The following IL33 variants were observed in gnomAD, a reference collection of about 807,000 sequenced individuals.
IL33 encodes interleukin 33.
Under a neutral mutation model 27.3 loss-of-function variants are expected in IL33, and 37 were observed. That is an observed-to-expected ratio of 1.36 (90% CI 1.04 to 1.78). The LOEUF is 1.78. Ranked by LOEUF, IL33 falls within the 40% of genes most tolerant of loss-of-function variation. The pLI is 0.00. For synonymous variants in IL33, 132 were observed against 102.9 expected, an observed-to-expected ratio of 1.28 and a Z score of -1.71; for missense variants, 406 against 311.4, an observed-to-expected ratio of 1.30 and a Z score of -2.29.
intron 6 of IL33, among the ~76,000 whole-genome samples, chr9:6,253,909 CCTT>C (rs1220712345): frequency 6.6e-6 from 1 of 152,178 alleles, no homozygotes; most frequent in Non-Finnish European, 1.5e-5. Flanking sequence ...GAACCCATCT[CCTT>C]CTATCTTGTG....
chr9:6,217,020 T>C (rs1818176867), intron 1 of IL33, among the ~76,000 whole-genome samples: 1 of 152,132 alleles, frequency 6.6e-6, no homozygotes, highest in Admixed American at 6.5e-5. Flanking sequence ...GGCTAGGGTT[T>C]TTCAAGGTTA....
chr9:6,247,967 C>A (rs187363817), intron 2 of IL33, among the ~76,000 whole-genome samples: 3 of 152,100 alleles, frequency 2.0e-5, no homozygotes, highest in Admixed American at 1.3e-4. Context: ...AGTATTGTGA[C>A]CCTCACTTTT....
intron 1 of IL33, among the ~76,000 whole-genome samples, chr9:6,219,301 G>A (rs1818312176): frequency 6.6e-6 from 1 of 151,862 alleles, no homozygotes; most frequent in Non-Finnish European, 1.5e-5. Flanking sequence ...GCAAGCAAAA[G>A]TAACTTTTAA....
In IL33 at chr9:6,254,505, T is replaced by C; in HGVS notation, c.564T>C (p.Pro188=). 1 of 1,598,056 alleles carries C rather than the reference T, an allele frequency of 6.3e-7. No homozygotes were observed. The highest frequency in any genetic ancestry group is 8.5e-7 in the Non-Finnish European group (1 of 1,170,330). The change falls in exon 7 of 8, where the codon CCT becomes CCC. Residue 188 remains proline (P), a synonymous_variant. Transcript: ENST00000682010. ...AGATGTTAATGGTAACCCTGAGTCC[T>C]ACAAAAGACTTCTGGTTGCATGCCA... ...DGKMLMVTLS[P]TKDFWLHANN...
chr9:6,235,354 C>A (rs373918528), intron 1 of IL33, among the ~76,000 whole-genome samples: 2 of 152,232 alleles, frequency 1.3e-5, no homozygotes, highest in East Asian at 3.9e-4. Context: ...CTGACTTATT[C>A]TTTATACCAA....
intron 1 of IL33, among the ~76,000 whole-genome samples, chr9:6,224,979 T>G (rs967860638): frequency 6.6e-6 from 1 of 152,176 alleles, no homozygotes; most frequent in African/African-American, 2.4e-5. Flanking sequence ...TTCCCCTGTG[T>G]ATTTCTCAGC....
intron 1 of IL33, among the ~76,000 whole-genome samples, chr9:6,231,052 A>G (rs951559779): frequency 6.6e-6 from 1 of 152,170 alleles, no homozygotes; most frequent in Non-Finnish European, 1.5e-5. Context: ...AGCTACTACT[A>G]TCATCATTAT....
chr9:6,218,378 G>A (rs892465399), intron 1 of IL33, among the ~76,000 whole-genome samples: 10 of 152,036 alleles, frequency 6.6e-5, no homozygotes, highest in African/African-American at 1.9e-4. Context: ...TTCACTTAGG[G>A]ATTGAAATAG....
intron 1 of IL33, among the ~76,000 whole-genome samples, chr9:6,236,751 G>T: frequency 6.6e-6 from 1 of 152,104 alleles, no homozygotes; most frequent in East Asian, 1.9e-4. Flanking sequence ...ACACCTTGTA[G>T]TCCCAGCTAC....
rs1434458609 is a variant in IL33, at chr9:6,257,531, A to G, written c.*1363A>G. 2 of 152,622 alleles carry G rather than the reference A, an allele frequency of 1.3e-5. No individual in the cohort carries two copies. Among genetic ancestry groups the G allele is most frequent in the African/African-American group, 4.8e-5 (2 of 41,448 alleles). The allele number at this position is 152,622 out of a possible 1,614,324, so 9.5% of individuals were successfully genotyped here. ...CAATAAAATTTATACTCAACCATATAATAACATTTTTTAACTACTAAAGGA... is the reference window on the plus strand; with the variant it reads ...CAATAAAATTTATACTCAACCATATGATAACATTTTTTAACTACTAAAGGA... On this transcript the variant is annotated 3_prime_UTR_variant, in exon 8 of 8. Coordinates refer to ENST00000682010, the MANE Select transcript of IL33 (RefSeq NM_033439.4).
intron 1 of IL33, among the ~76,000 whole-genome samples, chr9:6,227,794 C>T (rs1818711202): frequency 1.3e-5 from 2 of 152,122 alleles, no homozygotes; most frequent in Non-Finnish European, 2.9e-5. Context: ...GACATATTTT[C>T]AAACTTTTAA....
intron 1 of IL33, among the ~76,000 whole-genome samples, chr9:6,220,728 TTCA>T: frequency 6.6e-6 from 1 of 152,162 alleles, no homozygotes; most frequent in Non-Finnish European, 1.5e-5. Flanking sequence ...GCATAACTGC[TTCA>T]TATTTGTAAA....
At chr9:6,217,971 T>C (rs956871354) in intron 1 of IL33, among the ~76,000 whole-genome samples, 14 of 152,180 alleles carry the variant, frequency 9.2e-5, no homozygotes, top group Admixed American at 8.5e-4. Flanking sequence ...GTCTTACTTA[T>C]TGCTTCTCAA....
chr9:6,216,360 C>A lies in IL33; in HGVS notation c.-12+508C>A, dbSNP rs181993620. ...TTGCCAGGCTGGAAACTTTATAAAG[C>A]AAGTTGATAATTCTACTTCTAACTC... On this transcript the variant is annotated intron_variant, in intron 1 of 7. Coordinates refer to ENST00000682010, the MANE Select transcript of IL33 (RefSeq NM_033439.4). 4.8e-4 allele frequency among the ~76,000 whole-genome samples: 73 copies of A among 152,180 alleles called. 2 individuals carry two copies. In the East Asian group the frequency reaches 0.011, roughly 23 times the overall value.
Position 6,257,792 on chromosome 9 carries a change from C to T in IL33, c.*1624C>T, listed in dbSNP as rs1348103736. The T allele has an allele frequency of 6.6e-6, 1 of 152,052 alleles. No individual in the cohort carries two copies. Among genetic ancestry groups the T allele is most frequent in the Non-Finnish European group, 1.5e-5 (1 of 67,988 alleles). The allele number at this position is 152,052 out of a possible 1,614,324, so 9.4% of individuals were successfully genotyped here. A position where few individuals can be genotyped will look rare whatever the true frequency, so the allele number is the denominator to read the frequency against. On this transcript the variant is annotated 3_prime_UTR_variant, in exon 8 of 8. Transcript: ENST00000682010. ...GTATTACAACTGTAAAACAATTTAT[C>T]TTTGTTTCATTGTTCTGTCAATAAT...
At position 6,252,915 on chromosome 9, in the gene IL33, T is replaced by TC. The variant is rs1163268347; in HGVS notation, c.394dup (p.Gln132ProfsTer10). Reference sequence around the variant, plus strand: ...TTGCTTCTCTAAGCACATACAATGATCAATCCATTACTTTTGCTTTGGAGG... The same window carrying TC: ...TTGCTTCTCTAAGCACATACAATGATCCAATCCATTACTTTTGCTTTGGAGG... On this transcript the variant is annotated frameshift_variant, in exon 5 of 8. Transcript: ENST00000682010. LOFTEE classifies it high-confidence loss of function. 1 of 1,606,650 alleles carries TC rather than the reference T, an allele frequency of 6.2e-7. No homozygotes were observed. The highest frequency in any genetic ancestry group is 1.7e-5 in the Admixed American group (1 of 59,604).
At chr9:6,218,925 T>TCC (rs1818296141) in intron 1 of IL33, among the ~76,000 whole-genome samples, 1 of 125,242 alleles carries the variant, frequency 8.0e-6, no homozygotes, top group Non-Finnish European at 1.6e-5. Context: ...TATATATATA[T>TCC]ATATATATAT....
At chr9:6,253,338 G>A (rs1251554347) in intron 5 of IL33, among the ~76,000 whole-genome samples, 4 of 152,174 alleles carry the variant, frequency 2.6e-5, no homozygotes, top group Admixed American at 6.5e-5. Context: ...CCACTGCTAT[G>A]AAAAATATTT....
chr9:6,216,107 C>T (rs1168939267), intron 1 of IL33, among the ~76,000 whole-genome samples: 1 of 151,446 alleles, frequency 6.6e-6, no homozygotes, highest in East Asian at 1.9e-4. Flanking sequence ...AAATTCTGCC[C>T]CCTCCATGAA....
Sources: allele counts gnomAD v4.1 joint callset (sites outside exome capture counted in the v4.1 genomes callset), GRCh38; gene constraint gnomAD v4.1.1; transcripts MANE v1.5; gene names NCBI Gene and HGNC (gene_info 2026-07-23, HGNC 2026-07-21).